Variants in TTC21A observed in about 807,000 individuals in gnomAD.
TTC21A encodes the protein tetratricopeptide repeat protein 21A.
Under a neutral mutation model 156.4 loss-of-function variants are expected in TTC21A, and 128 were observed. The ratio of observed to expected loss-of-function variants is 0.82; its 90% CI spans 0.71 to 0.95. TTC21A has a LOEUF of 0.95. Among genes scored for constraint, TTC21A ranks in the 40% least tolerant of loss-of-function variants. The pLI is 0.00. For missense variants in TTC21A, 1,435 were observed against 1,602.3 expected (o/e 0.90, Z 1.78); for synonymous variants, 587 against 617.1 (o/e 0.95, Z 0.72).
chr3:39,135,027 C>T (rs2039006847), intron 21 of TTC21A, 66 bp from the exon 22 acceptor site: 4 of 1,392,916 alleles, frequency 2.9e-6, no homozygotes, highest in Non-Finnish European at 4.1e-6. Flanking sequence ...ATACCCCCCG[C>T]CTCCCCCTAC....
chr3:39,122,729 A>G (rs1248973101), intron 9 of TTC21A, among the ~76,000 whole-genome samples: 1 of 152,232 alleles, frequency 6.6e-6, no homozygotes, highest in African/African-American at 2.4e-5. Flanking sequence ...GAAGGACAAA[A>G]GGACTTGGCT....
intron 12 of TTC21A, 122 bp downstream of exon 12, chr3:39,126,512 AC>A: frequency 1.0e-6 from 1 of 991,178 alleles, no homozygotes; most frequent in Non-Finnish European, 1.5e-6. Flanking sequence ...ACACACACAC[AC>A]ACACACACTC....
chr3:39,137,135 G>T, intron 24 of TTC21A, 60 bp from the exon 25 acceptor site: 1 of 1,600,616 alleles, frequency 6.2e-7, no homozygotes, highest in African/African-American at 1.3e-5. Flanking sequence ...TTGAAGCCAG[G>T]TGAGGGCCAC....
chr3:39,122,183 C>T (rs1438893736), intron 9 of TTC21A, among the ~76,000 whole-genome samples: 2 of 151,998 alleles, frequency 1.3e-5, no homozygotes, highest in Non-Finnish European at 2.9e-5. Context: ...TGGTGGAGGA[C>T]ACCTGTAATC....
rs185561398 is a variant in TTC21A, at chr3:39,108,291, T to C, written c.27+427T>C. ...TGATGTCTCCTGGGTTTTCTTTTTA[T>C]CTTTTTATCTTCTAGCCCAGAACCA... On this transcript the variant is annotated intron_variant, in intron 1 of 28. Coordinates refer to ENST00000683103, the MANE Select transcript of TTC21A (RefSeq NM_001366900.1). The C allele has an allele frequency of 5.0e-4, 98 of 195,074 alleles. 1 individual carries two copies. Among genetic ancestry groups the C allele is most frequent in the South Asian group, 4.0e-3 (32 of 7,932 alleles). 12.1% of individuals were successfully genotyped at this position (195,074 alleles called of 1,614,324 possible).
rs757228632 is a variant in TTC21A at position 39,134,216 on chromosome 3, A to G, written c.2752-2A>G. The G allele has an allele frequency of 6.2e-7, 1 of 1,607,684 alleles. No homozygotes were observed. Among genetic ancestry groups the G allele is most frequent in the South Asian group, 1.1e-5 (1 of 90,934 alleles). On this transcript the variant is annotated splice_acceptor_variant, in intron 20 of 28. Coordinates refer to ENST00000683103, the MANE Select transcript of TTC21A (RefSeq NM_001366900.1). LOFTEE classifies it high-confidence loss of function. This position sits in a 1 kb window ranked among gnomAD's most constrained non-coding sequence, Gnocchi z 4.6. ...AGTTTATTATATCCGGCCTTGTCCCAGGTGATGCTGGAGCTGGCGCAGCTC... is the reference window on the plus strand; with the variant it reads ...AGTTTATTATATCCGGCCTTGTCCCGGGTGATGCTGGAGCTGGCGCAGCTC...
At position 39,128,497 on chromosome 3, in the gene TTC21A, C is replaced by G; in HGVS notation, c.1680+9C>G. On this transcript the variant is annotated intron_variant, in intron 13 of 28. Transcript: ENST00000683103. ...TCAGCCACAACTTCCAGGTGGGTGC[C>G]CTCTCATCCTCTCAGCATCCCAAAG... is the stretch of plus-strand genomic sequence containing the variant. The G allele has an allele frequency of 6.2e-7, 1 of 1,613,934 alleles. No individual in the cohort carries two copies. Among genetic ancestry groups the G allele is most frequent in the Non-Finnish European group, 8.5e-7 (1 of 1,179,950 alleles).
chr3:39,126,473 A>C, intron 12 of TTC21A, 83 bp downstream of exon 12: 2 of 986,726 alleles, frequency 2.0e-6, no homozygotes, highest in Non-Finnish European at 3.0e-6. Context: ...TGCCTAGGAT[A>C]CTACACACAC....
intron 22 of TTC21A, among the ~76,000 whole-genome samples, chr3:39,136,015 G>C (rs1014162149): frequency 6.7e-6 from 1 of 149,622 alleles, no homozygotes; most frequent in Non-Finnish European, 1.5e-5. Context: ...CCGAGATCAC[G>C]CCACTGCACT....
chr3:39,121,739 T>C (rs1281814163), intron 9 of TTC21A, among the ~76,000 whole-genome samples: 6 of 152,172 alleles, frequency 3.9e-5, no homozygotes, highest in African/African-American at 1.4e-4. Flanking sequence ...CCCTATTCCA[T>C]GGTCTGTGGT....
chr3:39,125,591 A>G, intron 11 of TTC21A, 59 bp downstream of exon 11: 1 of 1,261,702 alleles, frequency 7.9e-7, no homozygotes, highest in Non-Finnish European at 1.2e-6. Context: ...GATGGTGCCC[A>G]CCTGAAGGAC....
rs749698483 is a variant in TTC21A at position 39,130,114 on chromosome 3, G to A, written c.2171G>A (p.Ser724Asn). The A allele has an allele frequency of 1.9e-6, 3 of 1,614,154 alleles. No individual in the cohort carries two copies. The highest frequency in any genetic ancestry group is 3.3e-5 in the Admixed American group (2 of 60,024). Residue 724 changes from serine (S) to asparagine (N), a missense_variant, in exon 16 of 29, where the codon AGC becomes AAC. Transcript: ENST00000683103. This position sits in a 1 kb window ranked among gnomAD's most constrained non-coding sequence, Gnocchi z 4.5. ...LCEHLPGPHT[S>N]LLLGDALMSI... Reference sequence around the variant, plus strand: ...GAACATCTGCCTGGCCCCCACACCAGCCTGCTACTGGGCGATGCCTTAATG... The same window carrying A: ...GAACATCTGCCTGGCCCCCACACCAACCTGCTACTGGGCGATGCCTTAATG...
chr3:39,112,909 C>T (rs1430039378), intron 5 of TTC21A, among the ~76,000 whole-genome samples: 3 of 152,132 alleles, frequency 2.0e-5, no homozygotes, highest in Non-Finnish European at 4.4e-5. Context: ...CAGTGCCCTT[C>T]TCCCTTTCTT....
In TTC21A at chr3:39,130,573, G is replaced by A; in HGVS notation, c.2320-128G>A. ...GGTTACACCCTGTGCCAGCTGGGAG[G>A]AGTGCCTTTTCACTTTAGGCTATGT... On this transcript the variant is annotated intron_variant, in intron 17 of 28. Transcript: ENST00000683103. This position sits in a 1 kb window ranked among gnomAD's most constrained non-coding sequence, Gnocchi z 4.5. The A allele has an allele frequency of 1.6e-6, 2 of 1,237,604 alleles. No homozygotes were observed. The highest frequency in any genetic ancestry group is 2.0e-5 in the Admixed American group (1 of 49,412). The allele number at this position is 1,237,604 out of a possible 1,614,324, so 76.7% of individuals were successfully genotyped here. A position where few individuals can be genotyped will look rare whatever the true frequency, so the allele number is the denominator to read the frequency against.
chr3:39,109,063 A>G lies in TTC21A; in HGVS notation c.28-22A>G, dbSNP rs186071797. Reference sequence around the variant, plus strand: ...GACAGAGAAGGGACTGGGCTATTGCAGTTATGTCTTCCTTCATACAGGCTG... The same window carrying G: ...GACAGAGAAGGGACTGGGCTATTGCGGTTATGTCTTCCTTCATACAGGCTG... On this transcript the variant is annotated intron_variant, in intron 1 of 28. Transcript: ENST00000683103. 4.8e-4 allele frequency: 781 copies of G among 1,610,928 alleles called. 9 individuals are homozygous for G. The Admixed American group carries it at 0.011, about 22-fold the overall frequency.
rs746645794 is a variant in TTC21A, at chr3:39,137,503, C to T, written c.3468C>T (p.Ala1156=). ...GTGTGTAGAAGGACAGCGTCCCTGCCCTGCTGGCCTTGGCACAAGCCTACG... is the reference window on the plus strand; with the variant it reads ...GTGTGTAGAAGGACAGCGTCCCTGCTCTGCTGGCCTTGGCACAAGCCTACG... ...IAQAEKDSVP[A]LLALAQAYVF... The change falls in exon 26 of 29, where the codon GCC becomes GCT. Residue 1156 remains alanine, a synonymous_variant. Transcript: ENST00000683103. 6.2e-7 allele frequency: 1 copy of T among 1,614,230 alleles called. No homozygotes were observed. Among genetic ancestry groups the T allele is most frequent in the South Asian group, 1.1e-5 (1 of 91,084 alleles).
intron 11 of TTC21A, among the ~76,000 whole-genome samples, chr3:39,126,017 G>A (rs970778380): frequency 1.3e-5 from 2 of 152,158 alleles, no homozygotes; most frequent in African/African-American, 4.8e-5. Context: ...GAGTCATTCA[G>A]CAAATATTTA....
At chr3:39,135,341 C>G (rs542233936) in intron 22 of TTC21A, among the ~76,000 whole-genome samples, 167 bp downstream of exon 22, 1 of 152,182 alleles carries the variant, frequency 6.6e-6, no homozygotes. Flanking sequence ...TGGAACGTGC[C>G]GGCCCTTCCC....
chr3:39,110,853 C>T lies in TTC21A; in HGVS notation c.271C>T (p.Arg91Ter), dbSNP rs763071948. The T allele has an allele frequency of 3.7e-6, 6 of 1,613,648 alleles. No individual in the cohort carries two copies. In the Admixed American group the frequency reaches 6.7e-5, roughly 18 times the overall value. Residue 91 changes from arginine (R) to a stop codon, truncating the protein, a stop_gained and splice_region_variant, in exon 4 of 29, where the codon CGA (arginine) becomes TGA (stop). Transcript: ENST00000683103. LOFTEE classifies it high-confidence loss of function. ...TTCCTTCGCTCTTGGATTTACAGAC[C>T]GAGAAGCAATTCAGGAGCTTGAGTA... is the stretch of plus-strand genomic sequence containing the variant. ...YAHKRCEIID[R>*]EAIQELEYSL...
Sources: allele counts gnomAD v4.1 joint callset (sites outside exome capture counted in the v4.1 genomes callset), GRCh38; gene constraint gnomAD v4.1.1; non-coding constraint Gnocchi (gnomAD v3.1); transcripts MANE v1.5; gene names NCBI Gene and HGNC (gene_info 2026-07-23, HGNC 2026-07-21).